NCR2: variants seen among roughly 807,000 people sequenced by gnomAD.
NCR2 encodes natural cytotoxicity triggering receptor 2, also known as NK cell activating receptor (NKp44).
Under a neutral mutation model 30.7 loss-of-function variants are expected in NCR2, and 35 were observed. That is an observed-to-expected ratio of 1.14 (90% CI 0.87 to 1.51). The LOEUF is 1.51. NCR2 is among the 40% of genes most tolerant of loss of function. NCR2 has a pLI of 0.00. For synonymous variants in NCR2, 146 were observed against 134.8 expected (o/e 1.08, Z -0.58); for missense variants, 316 against 328.9 (o/e 0.96, Z 0.30).
chr6:41,346,914 G>A (rs945050104), intron 4 of NCR2, among the ~76,000 whole-genome samples: 2 of 151,974 alleles, frequency 1.3e-5, no homozygotes, highest in African/African-American at 2.4e-5. Context: ...GGGAGGGAGG[G>A]AAGGAAGGAG....
Position 41,342,161 on chromosome 6 carries a change from GT to G in NCR2, c.644+13del. 6.2e-7 allele frequency: 1 copy of G among 1,611,816 alleles called. No homozygotes were observed. The highest frequency in any genetic ancestry group is 8.5e-7 in the Non-Finnish European group (1 of 1,179,928). On this transcript the variant is annotated intron_variant, in intron 4 of 4. Coordinates refer to ENST00000373089, the MANE Select transcript of NCR2 (RefSeq NM_004828.4). The stretch of plus-strand genomic sequence containing the variant: ...CTGCTCGTCTGGTGGTGAGTGTGGT[GT>G]GGGTTGAACTCGGGGAAAATGGAAC...
intron 4 of NCR2, among the ~76,000 whole-genome samples, chr6:41,343,289 T>G (rs954663303): frequency 6.6e-6 from 1 of 152,146 alleles, no homozygotes; most frequent in African/African-American, 2.4e-5. Context: ...CTTCCCTGCC[T>G]CCTCCTCCTA....
Position 41,342,090 on chromosome 6 carries a change from T to C in NCR2, c.585T>C (p.Pro195=), listed in dbSNP as rs757172716. 1.9e-5 allele frequency: 31 copies of C among 1,613,752 alleles called. No homozygotes were observed. The South Asian group carries it at 3.1e-4, about 16-fold the overall frequency. The change falls in exon 4 of 5, where the codon CCT becomes CCC. Residue 195 remains proline, a synonymous_variant. Transcript: ENST00000373089. The stretch of plus-strand genomic sequence containing the variant: ...CTGCAGCCCCCATTGCCCTGGTGCC[T>C]GTGTTCTGTGGACTCCTCGTAGCCA... ...PGPAAPIALV[P]VFCGLLVAKS...
intron 2 of NCR2, among the ~76,000 whole-genome samples, 179 bp downstream of exon 2, chr6:41,336,607 C>G (rs1242151312): frequency 6.6e-6 from 1 of 152,170 alleles, no homozygotes; most frequent in Non-Finnish European, 1.5e-5. Context: ...ATCTCACAGT[C>G]TGCATGACTC....
At chr6:41,340,812 A>C (rs1455995945) in intron 2 of NCR2, among the ~76,000 whole-genome samples, 1 of 152,110 alleles carries the variant, frequency 6.6e-6, no homozygotes, top group Non-Finnish European at 1.5e-5. Context: ...GGCTGAGCAC[A>C]GGGTTATCCT....
intron 4 of NCR2, among the ~76,000 whole-genome samples, chr6:41,344,673 T>C (rs950887412): frequency 3.9e-5 from 6 of 152,252 alleles, no homozygotes; most frequent in African/African-American, 1.2e-4. Flanking sequence ...ATTAAAGTTT[T>C]AACTTTTGAA....
chr6:41,337,645 C>G (rs550223426), intron 2 of NCR2, among the ~76,000 whole-genome samples: 1 of 152,108 alleles, frequency 6.6e-6, no homozygotes, highest in Non-Finnish European at 1.5e-5. Flanking sequence ...ATAATACTCA[C>G]AGTAGAAGCC....
chr6:41,340,621 G>T (rs1769146343), intron 2 of NCR2, among the ~76,000 whole-genome samples: 2 of 152,144 alleles, frequency 1.3e-5, no homozygotes. Context: ...CTAATCACGG[G>T]CTTGGATCTT....
chr6:41,336,458 G>T (rs761173779), intron 2 of NCR2, 30 bp downstream of exon 2: 41 of 1,578,218 alleles, frequency 2.6e-5, no homozygotes, highest in Non-Finnish European at 3.5e-5. Flanking sequence ...TCCTCAGAGG[G>T]GTGCCCCTCA....
At chr6:41,347,560 A>G (rs960587299) in intron 4 of NCR2, among the ~76,000 whole-genome samples, 9 of 152,196 alleles carry the variant, frequency 5.9e-5, no homozygotes, top group African/African-American at 2.2e-4. Context: ...GGAGCACCCT[A>G]GGCATGGCCT....
intron 4 of NCR2, among the ~76,000 whole-genome samples, chr6:41,350,378 G>A (rs1769397831): frequency 6.6e-6 from 1 of 152,138 alleles, no homozygotes; most frequent in Non-Finnish European, 1.5e-5. Flanking sequence ...ACAGATAATA[G>A]TGTGTGGGCA....
At chr6:41,342,979 A>C in intron 4 of NCR2, 1 of 1,550,600 alleles carries the variant, frequency 6.4e-7, no homozygotes, top group East Asian at 2.4e-5. Flanking sequence ...AGCTCAGCCC[A>C]GGCCCCAGGC....
At chr6:41,344,232 C>CT (rs1769246693) in intron 4 of NCR2, among the ~76,000 whole-genome samples, 1 of 152,194 alleles carries the variant, frequency 6.6e-6, no homozygotes, top group African/African-American at 2.4e-5. Flanking sequence ...TCAGCCACCC[C>CT]TGTAGCACAG....
chr6:41,336,489 C>A, intron 2 of NCR2, 61 bp downstream of exon 2: 1 of 1,430,318 alleles, frequency 7.0e-7, no homozygotes. Context: ...GTGCCTCCAT[C>A]ACCCCTGGTT....
intron 2 of NCR2, among the ~76,000 whole-genome samples, chr6:41,341,061 C>T (rs1209115426): frequency 2.6e-5 from 4 of 152,150 alleles, no homozygotes; most frequent in African/African-American, 7.2e-5. Flanking sequence ...GGTCGAGACA[C>T]TGATAATCCC....
intron 4 of NCR2, among the ~76,000 whole-genome samples, chr6:41,346,179 C>T (rs868499982): frequency 1.5e-3 from 222 of 152,252 alleles, no homozygotes; most frequent in African/African-American, 4.8e-3. Context: ...TGACTGCTCC[C>T]GCCATAATTC....
intron 4 of NCR2, among the ~76,000 whole-genome samples, chr6:41,350,297 A>G (rs913185892): frequency 2.6e-5 from 4 of 152,204 alleles, no homozygotes; most frequent in African/African-American, 9.7e-5. Context: ...AGTGAGGTGT[A>G]GAAGAAAGCA....
intron 4 of NCR2, among the ~76,000 whole-genome samples, chr6:41,345,872 C>T (rs1769287050): frequency 6.6e-6 from 1 of 152,214 alleles, no homozygotes; most frequent in African/African-American, 2.4e-5. Flanking sequence ...GGTACTCTCC[C>T]TGACATCTGC....
intron 4 of NCR2, among the ~76,000 whole-genome samples, chr6:41,347,145 G>C (rs888515109): frequency 6.6e-6 from 1 of 152,144 alleles, no homozygotes; most frequent in African/African-American, 2.4e-5. Flanking sequence ...AGCCTGAGAG[G>C]TGGAGGCTGC....
Sources: allele counts gnomAD v4.1 joint callset (sites outside exome capture counted in the v4.1 genomes callset), GRCh38; gene constraint gnomAD v4.1.1; transcripts MANE v1.5; gene names NCBI Gene and HGNC (gene_info 2026-07-23, HGNC 2026-07-21).